WDR41: variants seen among roughly 807,000 people sequenced by gnomAD.
WDR41 encodes WD repeat domain 41.
Under a neutral mutation model 69.3 loss-of-function variants are expected in WDR41, and 63 were observed. That is an observed-to-expected ratio of 0.91 (90% confidence interval 0.74 to 1.12). The LOEUF is 1.12. WDR41 is among the 50% of genes most tolerant of loss of function. WDR41 has a pLI of 0.00. For synonymous variants in WDR41, 185 were observed against 192.1 expected, an observed-to-expected ratio of 0.96 and a Z score of 0.31; for missense variants, 543 against 534.5, an observed-to-expected ratio of 1.02 and a Z score of -0.16.
intron 1 of WDR41, among the ~76,000 whole-genome samples, chr5:77,566,236 G>C (rs534434722): frequency 4.6e-4 from 70 of 152,190 alleles, no homozygotes; most frequent in African/African-American, 1.6e-3. Context: ...AGCAGAAAGG[G>C]CTTATGAGGC....
rs1377004063 is a variant in WDR41 at position 77,433,247 on chromosome 5, G to C, written c.1268C>G (p.Ser423Cys). 1 of 1,613,884 alleles carries C rather than the reference G, an allele frequency of 6.2e-7. No individual in the cohort carries two copies. Among genetic ancestry groups the C allele is most frequent in the Admixed American group, 1.7e-5 (1 of 59,996 alleles). Reference protein sequence around the residue: ...YFEDHGLVTCSADHLIILWKN... With the variant: ...YFEDHGLVTCCADHLIILWKN... ...CCACAAAATAATGAGATGATCAGCG[G>C]AGCACGTCACTAGTCCATGATCTTC... is the stretch of plus-strand genomic sequence containing the variant. Residue 423 changes from serine (S) to cysteine (C), a missense_variant, in exon 13 of 13, where the codon TCC (serine) becomes TGC (cysteine). Ser to Cys is a moderately radical substitution (Grantham distance 112). Transcript: ENST00000296679.
chr5:77,550,875 C>T (rs1466759273), intron 1 of WDR41, among the ~76,000 whole-genome samples: 3 of 152,104 alleles, frequency 2.0e-5, no homozygotes, highest in African/African-American at 7.2e-5. Flanking sequence ...AAATATAGTA[C>T]ATGTATACCA....
intron 1 of WDR41, among the ~76,000 whole-genome samples, chr5:77,570,831 C>G (rs761708566): frequency 6.6e-6 from 1 of 151,722 alleles, no homozygotes; most frequent in Non-Finnish European, 1.5e-5. Flanking sequence ...CTTCAGAGAG[C>G]AAATTAATTG....
At chr5:77,499,963 T>TA (rs34007105) in intron 1 of WDR41, among the ~76,000 whole-genome samples, 71,374 of 151,190 alleles carry the variant, frequency 0.47, 17,113 homozygotes, top group Admixed American at 0.55. Flanking sequence ...AATTGCTTGT[T>TA]AAAAAAAAAT....
intron 1 of WDR41, among the ~76,000 whole-genome samples, chr5:77,584,873 G>C (rs1744009911): frequency 6.6e-6 from 1 of 152,086 alleles, no homozygotes; most frequent in South Asian, 2.1e-4. Flanking sequence ...AAAAATTCTA[G>C]ATGATAACAT....
At chr5:77,553,179 A>G (rs1452216383) in intron 1 of WDR41, among the ~76,000 whole-genome samples, 1 of 152,168 alleles carries the variant, frequency 6.6e-6, no homozygotes, top group Admixed American at 6.5e-5. Context: ...AATACCTCAA[A>G]CTGGGTAATT....
chr5:77,472,589 A>C (rs1389339409), intron 2 of WDR41, among the ~76,000 whole-genome samples: 1 of 152,182 alleles, frequency 6.6e-6, no homozygotes, highest in Non-Finnish European at 1.5e-5. Context: ...CAGGATACAA[A>C]ATCAATGTGC....
At position 77,489,477 on chromosome 5, in the gene WDR41, C is replaced by A. The variant is rs1164718069; in HGVS notation, c.147G>T (p.Leu49=). ...LKAHHDIVRF[L]VQLDDYRFAS... is the part of the protein sequence containing the mutation. ...CTTACCTGTAGTCATCTAACTGTAC[C>A]AGAAATCGTACAATATCATGATGAG... Residue 49 remains leucine, a synonymous_variant, in exon 2 of 13, where the codon CTG becomes CTT. Transcript: ENST00000296679. 6.2e-7 allele frequency: 1 copy of A among 1,600,454 alleles called. No individual in the cohort carries two copies. The highest frequency in any genetic ancestry group is 1.7e-5 in the Admixed American group (1 of 58,298).
At chr5:77,612,369 A>T (rs1228139887) in intron 1 of WDR41, among the ~76,000 whole-genome samples, 2 of 152,240 alleles carry the variant, frequency 1.3e-5, no homozygotes, top group Admixed American at 6.5e-5. Flanking sequence ...AATATCCTTG[A>T]TGAACATTGA....
intron 1 of WDR41, among the ~76,000 whole-genome samples, chr5:77,544,007 T>C (rs1402003726): frequency 6.6e-6 from 1 of 152,076 alleles, no homozygotes; most frequent in Non-Finnish European, 1.5e-5. Flanking sequence ...ATCTTCAGCC[T>C]CCTCAAACAA....
chr5:77,502,335 G>T (rs1802030026), intron 1 of WDR41, among the ~76,000 whole-genome samples: 1 of 152,062 alleles, frequency 6.6e-6, no homozygotes. Context: ...AAAGTAAAAA[G>T]AAATGACCAA....
chr5:77,463,271 T>G, intron 3 of WDR41, 45 bp from the exon 4 acceptor site: 1 of 1,553,216 alleles, frequency 6.4e-7, no homozygotes, highest in South Asian at 1.2e-5. Context: ...TTTCACAATT[T>G]AGATAATCAT....
Position 77,431,421 on chromosome 5 carries a change from GTAGTA to G in WDR41, c.*1709_*1713del, listed in dbSNP as rs1798718398. On this transcript the variant is annotated 3_prime_UTR_variant, in exon 13 of 13. Coordinates refer to ENST00000296679, the MANE Select transcript of WDR41 (RefSeq NM_018268.4). Reference sequence around the variant, plus strand: ...GTACATTTTTTAGAAATTTAAGACTGTAGTATAAACACAAGTTTTATAGGCACTGG... The same window carrying G: ...GTACATTTTTTAGAAATTTAAGACTGTAAACACAAGTTTTATAGGCACTGG... The G allele has an allele frequency of 6.6e-6, 1 of 152,180 alleles. No individual in the cohort carries two copies. Among genetic ancestry groups the G allele is most frequent in the Admixed American group, 6.5e-5 (1 of 15,272 alleles). 9.4% of individuals were successfully genotyped at this position (152,180 alleles called of 1,614,324 possible). A position where few individuals can be genotyped will look rare whatever the true frequency, so the allele number is the denominator to read the frequency against.
At chr5:77,537,523 C>T (rs1743009268) in intron 1 of WDR41, among the ~76,000 whole-genome samples, 1 of 152,162 alleles carries the variant, frequency 6.6e-6, no homozygotes, top group African/African-American at 2.4e-5. Context: ...GGACTCTGGG[C>T]TGTTGGAGTG....
intron 8 of WDR41, among the ~76,000 whole-genome samples, chr5:77,446,698 G>A (rs1195682867): frequency 6.6e-6 from 1 of 152,282 alleles, no homozygotes; most frequent in Non-Finnish European, 1.5e-5. Context: ...TTCAGTAAAT[G>A]GTGCTAAGAA....
intron 8 of WDR41, among the ~76,000 whole-genome samples, chr5:77,442,581 C>G (rs1355091434): frequency 6.6e-6 from 1 of 151,820 alleles, no homozygotes; most frequent in Non-Finnish European, 1.5e-5. Context: ...CTATGTATAA[C>G]TTTTACAAGT....
intron 1 of WDR41, among the ~76,000 whole-genome samples, chr5:77,526,367 T>C (rs1802447367): frequency 6.6e-6 from 1 of 152,124 alleles, no homozygotes; most frequent in South Asian, 2.1e-4. Context: ...GATCCCTTAA[T>C]ATCATCTAAT....
chr5:77,501,256 C>T (rs1232380833), intron 1 of WDR41, among the ~76,000 whole-genome samples: 1 of 152,278 alleles, frequency 6.6e-6, no homozygotes, highest in African/African-American at 2.4e-5. Context: ...CCCACACCCA[C>T]AGGGCCTTGC....
At chr5:77,586,109 G>A (rs940830335) in intron 1 of WDR41, among the ~76,000 whole-genome samples, 1 of 151,862 alleles carries the variant, frequency 6.6e-6, no homozygotes, top group African/African-American at 2.4e-5. Context: ...TTTTAACCAT[G>A]GCAGTTTAGT....
Sources: gnomAD v4.1 joint callset for allele counts (sites outside exome capture counted in the v4.1 genomes callset) on GRCh38, gnomAD v4.1.1 for gene constraint, MANE v1.5 for transcripts, NCBI Gene and HGNC (gene_info 2026-07-23, HGNC 2026-07-21) for gene names.